Variants in TPTE observed in about 807,000 individuals in gnomAD.
TPTE encodes putative tyrosine-protein phosphatase TPTE.
A neutral mutation model predicts 84.1 loss-of-function variants in TPTE; 59 were observed. The ratio of observed to expected loss-of-function variants is 0.70; its 90% CI spans 0.57 to 0.87. TPTE has a LOEUF of 0.87. TPTE is among the 40% of genes least tolerant of loss of function. TPTE has a pLI of 0.00. For missense variants in TPTE, 382 were observed against 659.6 expected, an observed-to-expected ratio of 0.58 and a Z score of 4.61; for synonymous variants, 130 against 223.5, an observed-to-expected ratio of 0.58 and a Z score of 3.73.
chr21:10,533,510 T>G, intron 3 of TPTE, among the ~76,000 whole-genome samples: 1 of 152,430 alleles, frequency 6.6e-6, no homozygotes, highest in East Asian at 1.9e-4. Flanking sequence ...GAACTCAGAT[T>G]TTTTGTGGCT....
chr21:10,550,032 A>T (rs1235071576), intron 7 of TPTE, among the ~76,000 whole-genome samples: 2 of 152,308 alleles, frequency 1.3e-5, no homozygotes, highest in East Asian at 3.8e-4. Flanking sequence ...GAAAGAAAAA[A>T]ATCTTTCAGC....
rs567433266 is a variant in TPTE, at chr21:10,594,338, G to A, written c.1171-1644G>A. Among the ~76,000 whole-genome samples the A allele has an allele frequency of 7.2e-5, 11 of 152,418 alleles. No individual in the cohort carries two copies. In the South Asian group the frequency reaches 2.3e-3, roughly 32 times the overall value. ...TAGAGCCCTTTGTGTTTCTTTTAGG[G>A]ACTACGTCACTTTGCATCATTCTCT... On this transcript the variant is annotated intron_variant, in intron 19 of 23. Transcript: ENST00000618007.
intron 2 of TPTE, among the ~76,000 whole-genome samples, chr21:10,527,153 T>TCACACACACACACA (rs1316269731): frequency 2.7e-5 from 4 of 149,506 alleles, no homozygotes; most frequent in African/African-American, 1.0e-4. Flanking sequence ...TCTCTCTCTC[T>TCACACACACACACA]CTCTCACACA....
intron 21 of TPTE, among the ~76,000 whole-genome samples, chr21:10,600,051 C>T (rs1407332603): frequency 6.6e-6 from 1 of 152,310 alleles, no homozygotes; most frequent in African/African-American, 2.4e-5. Flanking sequence ...GCAGCCTGTC[C>T]ACCTCAGCCT....
At chr21:10,531,463 G>A (rs1321328142) in intron 3 of TPTE, among the ~76,000 whole-genome samples, 1 of 152,308 alleles carries the variant, frequency 6.6e-6, no homozygotes, top group East Asian at 1.9e-4. Context: ...TTGGCATCAG[G>A]CTTCTTGTGC....
rs1359494073 is a variant in TPTE at position 10,570,367 on chromosome 21, C to T, written c.731-118C>T. ...AGTATTAGCTCTTTTCTGTCAACCTCAATCTTAAAAGGTTTTTTTTCTGTG... is the reference window on the plus strand; with the variant it reads ...AGTATTAGCTCTTTTCTGTCAACCTTAATCTTAAAAGGTTTTTTTTCTGTG... On this transcript the variant is annotated intron_variant, in intron 13 of 23. Coordinates refer to ENST00000618007, the MANE Select transcript of TPTE (RefSeq NM_199261.4). 371 of 1,548,674 alleles carry T rather than the reference C, an allele frequency of 2.4e-4. No homozygotes were observed. The African/African-American group carries it at 4.0e-3, about 17-fold the overall frequency.
chr21:10,562,668 CAGA>C (rs2074832826), intron 10 of TPTE, among the ~76,000 whole-genome samples: 1 of 152,304 alleles, frequency 6.6e-6, no homozygotes, highest in African/African-American at 2.4e-5. Context: ...ATTGATAAAC[CAGA>C]AGAAAGAATT....
At chr21:10,533,042 T>A (rs1227770127) in intron 3 of TPTE, among the ~76,000 whole-genome samples, 423 of 152,186 alleles carry the variant, frequency 2.8e-3, no homozygotes, top group African/African-American at 9.8e-3. Flanking sequence ...TCACATTTTA[T>A]TTTGCATTTT....
intron 4 of TPTE, among the ~76,000 whole-genome samples, chr21:10,540,282 T>G (rs1296735124): frequency 1.3e-5 from 2 of 152,306 alleles, no homozygotes; most frequent in Admixed American, 6.5e-5. Flanking sequence ...AGAGACTGAG[T>G]AGGGCTATTG....
At chr21:10,600,897 A>G (rs1978400783) in intron 21 of TPTE, among the ~76,000 whole-genome samples, 1 of 152,310 alleles carries the variant, frequency 6.6e-6, no homozygotes. Context: ...CCCATTGACA[A>G]ACACAAGAGT....
chr21:10,564,757 T>C (rs574981829), intron 10 of TPTE, among the ~76,000 whole-genome samples: 1 of 152,422 alleles, frequency 6.6e-6, no homozygotes, highest in East Asian at 1.9e-4. Context: ...AACCATAAGA[T>C]CATTTCAGTT....
At chr21:10,533,693 T>A (rs987853727) in intron 3 of TPTE, among the ~76,000 whole-genome samples, 1 of 152,310 alleles carries the variant, frequency 6.6e-6, no homozygotes, top group African/African-American at 2.4e-5. Context: ...AGCTGTGTCA[T>A]TGTCAGTAAG....
intron 3 of TPTE, among the ~76,000 whole-genome samples, chr21:10,533,155 T>C (rs2074208054): frequency 6.6e-6 from 1 of 152,306 alleles, no homozygotes; most frequent in African/African-American, 2.4e-5. Context: ...TCTTTTCTAC[T>C]ATTTTCTGGG....
chr21:10,556,559 G>A (rs1279341948), intron 8 of TPTE, among the ~76,000 whole-genome samples: 2 of 152,310 alleles, frequency 1.3e-5, no homozygotes, highest in Non-Finnish European at 2.9e-5. Flanking sequence ...TATATACCCA[G>A]TAATAGGATG....
chr21:10,534,322 C>G (rs2074230747), intron 3 of TPTE, among the ~76,000 whole-genome samples: 1 of 152,424 alleles, frequency 6.6e-6, no homozygotes, highest in Admixed American at 6.5e-5. Context: ...TCCCTGTTTT[C>G]ATCAGCCAGC....
chr21:10,548,429 C>T (rs1431826315), intron 7 of TPTE, among the ~76,000 whole-genome samples: 1 of 152,308 alleles, frequency 6.6e-6, no homozygotes, highest in Non-Finnish European at 1.5e-5. Flanking sequence ...ATGGGCTACT[C>T]CCAGAAGACA....
chr21:10,581,372 G>A (rs1483750926), intron 17 of TPTE, among the ~76,000 whole-genome samples: 27 of 152,252 alleles, frequency 1.8e-4, no homozygotes, highest in Non-Finnish European at 3.5e-4. Context: ...TTGCTTGAAG[G>A]AAAACAATCA....
At chr21:10,568,229 A>G (rs905643196) in intron 11 of TPTE, among the ~76,000 whole-genome samples, 1 of 152,312 alleles carries the variant, frequency 6.6e-6, no homozygotes, top group African/African-American at 2.4e-5. Context: ...AATCCCTTAC[A>G]CATAATGTTC....
chr21:10,547,963 C>T lies in TPTE; in HGVS notation c.173+4581C>T, dbSNP rs555956036. On this transcript the variant is annotated intron_variant, in intron 7 of 23. Coordinates refer to ENST00000618007, the MANE Select transcript of TPTE (RefSeq NM_199261.4). ...CTGAGCAGCTGATACACCCACAGGT[C>T]AACAGAGTGACTATGAGCCCATGCT... Among the ~76,000 whole-genome samples, 7 of 152,426 alleles carry T rather than the reference C, an allele frequency of 4.6e-5. No homozygotes were observed. The South Asian group carries it at 1.0e-3, about 23-fold the overall frequency.
Sources: gnomAD v4.1 joint callset for allele counts (sites outside exome capture counted in the v4.1 genomes callset) on GRCh38, gnomAD v4.1.1 for gene constraint, MANE v1.5 for transcripts, NCBI Gene and HGNC (gene_info 2026-07-23, HGNC 2026-07-21) for gene names.